Variants in C2orf42 observed in about 807,000 individuals in gnomAD.
The protein encoded by C2orf42 is uncharacterized protein C2orf42.
Under a neutral mutation model 58.9 loss-of-function variants are expected in C2orf42, and 44 were observed. The observed-to-expected ratio is 0.75, with a 90% CI of 0.59 to 0.96. C2orf42 has a LOEUF of 0.96. Ranked by LOEUF, C2orf42 falls within the 40% of genes least tolerant of loss-of-function variation. The probability of loss-of-function intolerance (pLI) is 0.00; values close to 1 mark genes in which losing one functional copy is unlikely to be tolerated. For synonymous variants in C2orf42, 239 were observed against 265.4 expected (o/e 0.90, Z 0.97); for missense variants, 630 against 699.2 (o/e 0.90, Z 1.12).
intron 9 of C2orf42, among the ~76,000 whole-genome samples, chr2:70,151,661 CAAG>C (rs1225889139): frequency 1.3e-5 from 2 of 151,870 alleles, no homozygotes; most frequent in African/African-American, 2.4e-5. Flanking sequence ...AATAAAAAAA[CAAG>C]AAGGATGGAT....
At chr2:70,173,858 G>T (rs886808982) in intron 5 of C2orf42, among the ~76,000 whole-genome samples, 1 of 151,894 alleles carries the variant, frequency 6.6e-6, no homozygotes, top group African/African-American at 2.4e-5. Context: ...CCAAAGTGCT[G>T]GGATTATAGG....
At chr2:70,165,715 G>C (rs947122816) in intron 6 of C2orf42, 80 bp from the exon 7 acceptor site, 9 of 778,958 alleles carry the variant, frequency 1.2e-5, no homozygotes, top group Non-Finnish European at 1.8e-5. Flanking sequence ...GAAAGAAAAG[G>C]AATCAAGGGA....
At chr2:70,153,968 G>C (rs1179399185) in intron 9 of C2orf42, among the ~76,000 whole-genome samples, 1 of 151,262 alleles carries the variant, frequency 6.6e-6, no homozygotes, top group African/African-American at 2.4e-5. Flanking sequence ...CAGGAGAATC[G>C]CTTGAACCCG....
chr2:70,187,889 C>T (rs1300014948), intron 1 of C2orf42, among the ~76,000 whole-genome samples: 2 of 152,184 alleles, frequency 1.3e-5, no homozygotes, highest in African/African-American at 4.8e-5. Flanking sequence ...CGGGGTTTCA[C>T]CATGTTGGCC....
At position 70,181,884 on chromosome 2, in the gene C2orf42, G is replaced by T. The variant is rs766882552; in HGVS notation, c.102C>A (p.Tyr34Ter). 1.2e-6 allele frequency: 2 copies of T among 1,613,740 alleles called. No individual in the cohort carries two copies. Among genetic ancestry groups the T allele is most frequent in the South Asian group, 2.2e-5 (2 of 91,068 alleles). The change falls in exon 3 of 10, where the codon TAC becomes TAA. Residue 34 changes from tyrosine to a stop codon, truncating the protein, a stop_gained. Coordinates refer to ENST00000264434, the MANE Select transcript of C2orf42 (RefSeq NM_017880.3). LOFTEE classifies it high-confidence loss of function. Reference sequence around the variant, plus strand: ...TACAGCTCAGTCCCCGGGTTCCATTGTATGTGCCACATCGGGGACACTTTC... The same window carrying T: ...TACAGCTCAGTCCCCGGGTTCCATTTTATGTGCCACATCGGGGACACTTTC... ...GIRKCPRCGT[Y>*]NGTRGLSCKN...
chr2:70,187,607 C>T (rs1258092185), intron 1 of C2orf42, among the ~76,000 whole-genome samples: 1 of 152,146 alleles, frequency 6.6e-6, no homozygotes, highest in Non-Finnish European at 1.5e-5. Flanking sequence ...GTATCTTTAA[C>T]ATTATAAATC....
At position 70,150,252 on chromosome 2, in the gene C2orf42, T is replaced by G. The variant is rs1672221527; in HGVS notation, c.*104A>C. 1 of 915,248 alleles carries G rather than the reference T, an allele frequency of 1.1e-6. No homozygotes were observed. The highest frequency in any genetic ancestry group is 1.7e-6 in the Non-Finnish European group (1 of 580,182). The allele number at this position is 915,248 out of a possible 1,614,324, so 56.7% of individuals were successfully genotyped here. A position where few individuals can be genotyped will look rare whatever the true frequency, so the allele number is the denominator to read the frequency against. ...GAATTTGCATCTTAGCTAAGAGCAG[T>G]TTACCAAGGAACAGGGCCATCTAAG... On this transcript the variant is annotated 3_prime_UTR_variant, in exon 10 of 10. Transcript: ENST00000264434.
At chr2:70,182,090 A>C in intron 2 of C2orf42, 93 bp from the exon 3 acceptor site, 2 of 656,802 alleles carry the variant, frequency 3.0e-6, no homozygotes, top group South Asian at 4.1e-5. Context: ...GGCAAAATAT[A>C]AAAAAGCTAT....
chr2:70,153,282 T>C (rs1270376292), intron 9 of C2orf42, among the ~76,000 whole-genome samples: 1 of 151,480 alleles, frequency 6.6e-6, no homozygotes, highest in Non-Finnish European at 1.5e-5. Flanking sequence ...GCGCTCCACA[T>C]ACAGATCTGA....
At chr2:70,180,206 C>T (rs904215747) in intron 3 of C2orf42, among the ~76,000 whole-genome samples, 3 of 151,556 alleles carry the variant, frequency 2.0e-5, no homozygotes, top group African/African-American at 4.8e-5. Context: ...GCAGGAGAAG[C>T]GCTTGAACCC....
chr2:70,162,546 AG>A (rs1001680388), intron 8 of C2orf42, among the ~76,000 whole-genome samples: 12 of 151,788 alleles, frequency 7.9e-5, no homozygotes, highest in African/African-American at 2.9e-4. Context: ...CGGGAGGCTG[AG>A]GTGGGAGAAT....
intron 6 of C2orf42, among the ~76,000 whole-genome samples, chr2:70,167,473 G>C (rs1673479485): frequency 6.6e-6 from 1 of 152,090 alleles, no homozygotes; most frequent in South Asian, 2.1e-4. Context: ...AGGTGTGGTG[G>C]CTCACACCTG....
intron 9 of C2orf42, among the ~76,000 whole-genome samples, chr2:70,157,082 G>A (rs979025141): frequency 1.3e-5 from 2 of 152,106 alleles, no homozygotes; most frequent in Non-Finnish European, 2.9e-5. Context: ...GTCATTCAGG[G>A]AAACATAATT....
intron 9 of C2orf42, among the ~76,000 whole-genome samples, chr2:70,156,391 G>A (rs1672679049): frequency 1.3e-5 from 2 of 151,958 alleles, no homozygotes; most frequent in South Asian, 4.1e-4. Context: ...GAGGCAGAGT[G>A]GAAGGATCAC....
chr2:70,159,344 T>C (rs1672908255), intron 9 of C2orf42, among the ~76,000 whole-genome samples: 1 of 151,718 alleles, frequency 6.6e-6, no homozygotes, highest in Non-Finnish European at 1.5e-5. Flanking sequence ...TCCTAGCACT[T>C]TGGGGGGCCG....
chr2:70,169,547 C>T lies in C2orf42; in HGVS notation c.1144+10G>A. On this transcript the variant is annotated intron_variant, in intron 6 of 9. Transcript: ENST00000264434. ...TTCAGCAAGAGCCCAGTTAGATGAA[C>T]AATACTTACCATCAAACTGATAGTG... The T allele has an allele frequency of 1.4e-6, 2 of 1,395,026 alleles. No individual in the cohort carries two copies. Among genetic ancestry groups the T allele is most frequent in the Non-Finnish European group, 2.0e-6 (2 of 981,234 alleles). 86.4% of individuals were successfully genotyped at this position (1,395,026 alleles called of 1,614,324 possible). A position where few individuals can be genotyped will look rare whatever the true frequency, so the allele number is the denominator to read the frequency against.
intron 4 of C2orf42, among the ~76,000 whole-genome samples, chr2:70,176,968 A>G (rs1674232771): frequency 6.6e-6 from 1 of 152,120 alleles, no homozygotes; most frequent in African/African-American, 2.4e-5. Flanking sequence ...TTATTTCCTT[A>G]GAAAAGATTA....
chr2:70,174,603 A>G (rs185063238), intron 5 of C2orf42, among the ~76,000 whole-genome samples: 52 of 152,270 alleles, frequency 3.4e-4, no homozygotes, highest in African/African-American at 1.2e-3. Context: ...GTCAAGACAT[A>G]AAACAGTCCA....
Position 70,181,781 on chromosome 2 carries a change from C to T in C2orf42, c.205G>A (p.Gly69Ser). 6.2e-7 allele frequency: 1 copy of T among 1,614,120 alleles called. No individual in the cohort carries two copies. The highest frequency in any genetic ancestry group is 8.5e-7 in the Non-Finnish European group (1 of 1,179,980). Residue 69 changes from glycine (G) to serine (S), a missense_variant, in exon 3 of 10, where the codon GGC becomes AGC. Transcript: ENST00000264434. ...ACTGAGTAGACCTGAAGATCAGAGC[C>T]TGTAATGATTTTGACAGCTTCAACA... ...PSVEAVKIIT[G>S]SDLQVYSVRQ...
Sources: allele counts gnomAD v4.1 joint callset (sites outside exome capture counted in the v4.1 genomes callset), GRCh38; gene constraint gnomAD v4.1.1; transcripts MANE v1.5; gene names NCBI Gene and HGNC (gene_info 2026-07-23, HGNC 2026-07-21).